MYO16: variants seen among roughly 807,000 people sequenced by gnomAD.
MYO16 encodes the protein unconventional myosin-XVI.
Under a neutral mutation model 205.3 loss-of-function variants are expected in MYO16, and 94 were observed. That is an observed-to-expected ratio of 0.46 (90% CI 0.39 to 0.54). The LOEUF is 0.54. Among genes scored for constraint, MYO16 ranks in the 20% least tolerant of loss-of-function variants. MYO16 has a pLI of 0.00. For synonymous variants in MYO16, 988 were observed against 954.0 expected (o/e 1.04, Z -0.66); for missense variants, 2,315 against 2,387.5 (o/e 0.97, Z 0.63).
chr13:108,927,606 T>C (rs1223372580), intron 16 of MYO16, among the ~76,000 whole-genome samples: 1 of 152,208 alleles, frequency 6.6e-6, no homozygotes, highest in Non-Finnish European at 1.5e-5. Flanking sequence ...TTTTACATGA[T>C]TTTTGAAATT....
intron 16 of MYO16, among the ~76,000 whole-genome samples, chr13:108,927,346 C>A (rs920346681): frequency 3.9e-5 from 6 of 152,272 alleles, no homozygotes; most frequent in African/African-American, 1.4e-4. Flanking sequence ...TTTTCAACAT[C>A]CCTTGGCGAG....
At chr13:108,922,905 GT>G (rs939659305) in intron 16 of MYO16, among the ~76,000 whole-genome samples, 2 of 152,126 alleles carry the variant, frequency 1.3e-5, no homozygotes, top group Non-Finnish European at 2.9e-5. Flanking sequence ...CTTGACATAT[GT>G]TATCTCCCCC....
chr13:108,649,971 A>G (rs1880926838), intron 1 of MYO16, among the ~76,000 whole-genome samples: 1 of 152,214 alleles, frequency 6.6e-6, no homozygotes, highest in African/African-American at 2.4e-5. Flanking sequence ...AGATTTTAGC[A>G]TCTTATTTTT....
intron 31 of MYO16, among the ~76,000 whole-genome samples, chr13:109,137,001 A>C (rs1327117844): frequency 1.3e-5 from 2 of 152,182 alleles, no homozygotes; most frequent in Non-Finnish European, 2.9e-5. Flanking sequence ...AGCAGTTCTC[A>C]AGGAGCCTCT....
intron 23 of MYO16, among the ~76,000 whole-genome samples, chr13:109,022,430 A>G (rs1175435966): frequency 7.6e-6 from 1 of 131,696 alleles, no homozygotes; most frequent in Non-Finnish European, 1.5e-5. Context: ...ACAAATATAA[A>G]CATATGTATA....
chr13:109,107,535 C>CT (rs909503640), intron 28 of MYO16, among the ~76,000 whole-genome samples: 25 of 152,026 alleles, frequency 1.6e-4, no homozygotes, highest in Admixed American at 3.9e-4. Context: ...CTACCTCTCA[C>CT]TTTTTTTACA....
chr13:108,662,606 C>G (rs768044385), intron 1 of MYO16, among the ~76,000 whole-genome samples: 1 of 152,090 alleles, frequency 6.6e-6, no homozygotes, highest in Non-Finnish European at 1.5e-5. Flanking sequence ...AAGGGCTGAT[C>G]TCACTCCCAC....
intron 34 of MYO16, among the ~76,000 whole-genome samples, chr13:109,191,873 G>A (rs1879932012): frequency 6.6e-6 from 1 of 152,142 alleles, no homozygotes; most frequent in Non-Finnish European, 1.5e-5. Context: ...CAGAGTATAA[G>A]TAAAGGTTAA....
intron 22 of MYO16, among the ~76,000 whole-genome samples, chr13:109,011,671 C>T (rs907941167): frequency 2.0e-5 from 3 of 151,790 alleles, no homozygotes; most frequent in Non-Finnish European, 4.4e-5. Flanking sequence ...TGTGCCACCA[C>T]ACCTGGCTAA....
chr13:108,684,586 G>T (rs978995152), intron 2 of MYO16, among the ~76,000 whole-genome samples: 1 of 152,134 alleles, frequency 6.6e-6, no homozygotes, highest in Non-Finnish European at 1.5e-5. Context: ...AATTTCCTGG[G>T]TGATAGGGAC....
chr13:108,781,335 A>C (rs1886295376), intron 4 of MYO16, among the ~76,000 whole-genome samples: 1 of 152,218 alleles, frequency 6.6e-6, no homozygotes, highest in Non-Finnish European at 1.5e-5. Context: ...GCCTATGCTG[A>C]GGTCTGAGGG....
At chr13:108,709,867 C>A (rs999206702) in intron 2 of MYO16, among the ~76,000 whole-genome samples, 1 of 134,182 alleles carries the variant, frequency 7.5e-6, no homozygotes, top group African/African-American at 2.8e-5. Context: ...CAGTTAATAT[C>A]GAGTCTGTGG....
At chr13:108,717,196 A>G (rs1883977416) in intron 3 of MYO16, among the ~76,000 whole-genome samples, 1 of 152,202 alleles carries the variant, frequency 6.6e-6, no homozygotes, top group South Asian at 2.1e-4. Context: ...TCCCAATGGT[A>G]ACTGAACCCT....
chr13:108,689,934 A>G (rs1014042791), intron 2 of MYO16, among the ~76,000 whole-genome samples: 31 of 152,346 alleles, frequency 2.0e-4, no homozygotes, highest in Middle Eastern at 3.4e-3. Context: ...TGCTTTTTGT[A>G]TAATATAATG....
chr13:108,569,282 C>T, the MYO16 span, among the ~76,000 whole-genome samples: 4 of 152,030 alleles, frequency 2.6e-5, no homozygotes, highest in Admixed American at 6.6e-5. Context: ...TTTGAGGCTT[C>T]CAGTCCATGA....
At chr13:109,052,199 C>G in intron 24 of MYO16, 101 bp from the exon 25 acceptor site, 1 of 1,011,456 alleles carries the variant, frequency 9.9e-7, no homozygotes, top group Non-Finnish European at 1.5e-6. Flanking sequence ...CGTCTTGCAC[C>G]CAGAATGTAT....
the MYO16 span, among the ~76,000 whole-genome samples, chr13:108,535,497 A>G: frequency 6.6e-6 from 1 of 152,176 alleles, no homozygotes; most frequent in Non-Finnish European, 1.5e-5. Flanking sequence ...TTTCAAGGTT[A>G]ACACTATTAA....
rs139291049 is a variant in MYO16, at chr13:109,008,939, A to G, written c.2485A>G (p.Asn829Asp). Residue 829 changes from asparagine (N) to aspartate (D), a missense_variant, in exon 22 of 35, where the codon AAT (asparagine) becomes GAT (aspartate). By Grantham distance (23) the Asn-to-Asp change is conservative. This residue lies in a region of MYO16 where 1,213 missense variants were observed against 1,274.4 expected (regional missense o/e 0.95). Coordinates refer to ENST00000457511, the MANE Select transcript of MYO16 (RefSeq NM_001198950.3). Reference sequence around the variant, plus strand: ...CAATGAGAAGATGCACCACTATATCAATGAAGTGCTTTTTCTCCACGAGCA... The same window carrying G: ...CAATGAGAAGATGCACCACTATATCGATGAAGTGCTTTTTCTCCACGAGCA... Reference protein sequence around the residue: ...MTNEKMHHYINEVLFLHEQVE... With the variant: ...MTNEKMHHYIDEVLFLHEQVE... 5.6e-6 allele frequency: 9 copies of G among 1,613,288 alleles called. No individual in the cohort carries two copies. In the African/African-American group the frequency reaches 1.2e-4, roughly 22 times the overall value.
chr13:108,708,755 A>G (rs1883611784), intron 2 of MYO16, among the ~76,000 whole-genome samples: 1 of 152,182 alleles, frequency 6.6e-6, no homozygotes, highest in Non-Finnish European at 1.5e-5. Flanking sequence ...CACACTAGCT[A>G]ATGGGGTCTC....
Sources: allele counts gnomAD v4.1 joint callset (sites outside exome capture counted in the v4.1 genomes callset), GRCh38; gene constraint gnomAD v4.1.1; regional missense constraint gnomAD v4.1.1; transcripts MANE v1.5; gene names NCBI Gene and HGNC (gene_info 2026-07-23, HGNC 2026-07-21).